GRIA2: variants seen among roughly 807,000 people sequenced by gnomAD.
The protein encoded by GRIA2 is glutamate receptor 2.
A neutral mutation model predicts 97.3 loss-of-function variants in GRIA2; 14 were observed. The observed-to-expected ratio is 0.14, with a 90% CI of 0.10 to 0.23. The LOEUF (loss-of-function observed/expected upper bound fraction) is 0.23, where lower values mean the gene tolerates loss of function less well. GRIA2 is among the 10% of genes least tolerant of loss of function. The pLI is 1.00. For missense variants in GRIA2, 558 were observed against 1,069.8 expected (o/e 0.52, Z 6.67); for synonymous variants, 412 against 387.8 (o/e 1.06, Z -0.73).
At chr4:157,332,167 T>G (rs1735078215) in intron 6 of GRIA2, among the ~76,000 whole-genome samples, 1 of 152,076 alleles carries the variant, frequency 6.6e-6, no homozygotes, top group South Asian at 2.1e-4. Flanking sequence ...CCCTAGAACC[T>G]GTAATAATTC....
intron 12 of GRIA2, among the ~76,000 whole-genome samples, chr4:157,351,035 A>G (rs1019197820): frequency 4.7e-5 from 7 of 150,412 alleles, no homozygotes; most frequent in East Asian, 2.0e-4. Flanking sequence ...TTTGTCATGT[A>G]TATCTTCATC....
chr4:157,239,144 T>C (rs1730385514), intron 2 of GRIA2, among the ~76,000 whole-genome samples: 1 of 152,076 alleles, frequency 6.6e-6, no homozygotes, highest in South Asian at 2.1e-4. Flanking sequence ...TTGGATGTCA[T>C]TGATTAGAAC....
At chr4:157,344,808 G>A (rs888299962) in intron 12 of GRIA2, among the ~76,000 whole-genome samples, 4 of 152,040 alleles carry the variant, frequency 2.6e-5, no homozygotes, top group African/African-American at 9.7e-5. Context: ...GATTTGAGAA[G>A]TTAGGTCATT....
At chr4:157,268,511 A>T (rs903206530) in intron 2 of GRIA2, among the ~76,000 whole-genome samples, 2 of 151,952 alleles carry the variant, frequency 1.3e-5, no homozygotes, top group African/African-American at 4.8e-5. Flanking sequence ...ATACATAAAG[A>T]ATTTGTCTTT....
intron 2 of GRIA2, among the ~76,000 whole-genome samples, chr4:157,269,234 G>A (rs1189712968): frequency 6.6e-6 from 1 of 151,960 alleles, no homozygotes; most frequent in Non-Finnish European, 1.5e-5. Flanking sequence ...TTAGAACCAA[G>A]AAAGGTCAAA....
chr4:157,361,025 C>T lies in GRIA2; in HGVS notation c.2307C>T (p.Leu769=), dbSNP rs1184174321. The T allele has an allele frequency of 4.3e-6, 7 of 1,610,302 alleles. No individual in the cohort carries two copies. The highest frequency in any genetic ancestry group is 1.3e-5 in the African/African-American group (1 of 74,818). The change falls in exon 14 of 16, where the codon CTC becomes CTT. Residue 769 remains leucine, a synonymous_variant. Transcript: ENST00000264426. The surrounding 1 kb of genome is among the most constrained non-coding windows in gnomAD (Gnocchi z 5.2). ...KGSSLRNAVN[L]AVLKLNEQGL... The stretch of plus-strand genomic sequence containing the variant: ...TCGTTTCAAGAAATGCGGTTAACCT[C>T]GCAGTACTAAAACTGAATGAACAAG...
intron 6 of GRIA2, among the ~76,000 whole-genome samples, chr4:157,322,474 T>C (rs550655916): frequency 6.6e-6 from 1 of 152,222 alleles, no homozygotes; most frequent in South Asian, 2.1e-4. Flanking sequence ...CTCCATGGGT[T>C]TGGACACAAT....
rs571786129 is a variant in GRIA2 at position 157,237,083 on chromosome 4, C to G, written c.229+15276C>G. Among the ~76,000 whole-genome samples the G allele has an allele frequency of 2.9e-4, 44 of 152,110 alleles. No individual in the cohort carries two copies. In the South Asian group the frequency reaches 7.5e-3, roughly 26 times the overall value. On this transcript the variant is annotated intron_variant, in intron 2 of 15. Coordinates refer to ENST00000264426, the MANE Select transcript of GRIA2 (RefSeq NM_001083619.3). ...GCCTTGCTCAGAAAAACATTTCCCA[C>G]CGTAGTTTATTTTTTTTAAAAAACT...
At chr4:157,289,598 T>C (rs2126832396) in intron 2 of GRIA2, among the ~76,000 whole-genome samples, 1 of 151,972 alleles carries the variant, frequency 6.6e-6, no homozygotes, top group Admixed American at 6.6e-5. Context: ...TTTAACTTGT[T>C]ACTTCGAATT....
At position 157,361,556 on chromosome 4, in the gene GRIA2, A is replaced by C. The variant is rs1560784301; in HGVS notation, c.2406+432A>C. The C allele has an allele frequency of 2.5e-6, 4 of 1,604,414 alleles. No homozygotes were observed. Among genetic ancestry groups the C allele is most frequent in the Non-Finnish European group, 3.4e-6 (4 of 1,171,504 alleles). ...CGTGAAGAACCCCAGTAAATCTTGC[A>C]GTATTGAAACTCAGTGAGCAAGGCG... On this transcript the variant is annotated intron_variant, in intron 14 of 15. Coordinates refer to ENST00000264426, the MANE Select transcript of GRIA2 (RefSeq NM_001083619.3). The surrounding 1 kb of genome is among the most constrained non-coding windows in gnomAD (Gnocchi z 5.2).
At chr4:157,296,965 C>A (rs1733375209) in intron 2 of GRIA2, among the ~76,000 whole-genome samples, 1 of 152,148 alleles carries the variant, frequency 6.6e-6, no homozygotes, top group South Asian at 2.1e-4. Context: ...CATGCAGGAG[C>A]AGCTTGTAAT....
rs67497887 is a variant in GRIA2 at position 157,298,611 on chromosome 4, CTTTTTTTTTTTT to C, written c.230-4925_230-4914del. On this transcript the variant is annotated intron_variant, in intron 2 of 15. Transcript: ENST00000264426. ...TGGAAGGTGACAGATTGAAGCTAAG[CTTTTTTTTTTTT>C]TTTTTTTTTTTTTTTGAGAGAGAAC... Among the ~76,000 whole-genome samples the C allele has an allele frequency of 5.7e-3, 195 of 34,348 alleles. 1 individual carries two copies. Among genetic ancestry groups the C allele is most frequent in the African/African-American group, 0.022 (180 of 8,302 alleles). 22.5% of individuals were successfully genotyped at this position (34,348 alleles called of 152,430 possible). A position where few individuals can be genotyped will look rare whatever the true frequency, so the allele number is the denominator to read the frequency against.
chr4:157,230,262 A>C (rs1273779329), intron 2 of GRIA2, among the ~76,000 whole-genome samples: 1 of 152,008 alleles, frequency 6.6e-6, no homozygotes, highest in South Asian at 2.1e-4. Context: ...TATGTCAACA[A>C]TTTTTTTATA....
chr4:157,332,955 A>G lies in GRIA2; in HGVS notation c.1019A>G (p.Gln340Arg). ...CLANPAVPWGQGVEIERALKQ... is the reference protein window; with the variant it reads ...CLANPAVPWGRGVEIERALKQ... ...GCAAACCCAGCAGTGCCCTGGGGAC[A>G]AGGTGTAGAAATAGAAAGGGCCCTC... Residue 340 changes from glutamine to arginine, a missense_variant, in exon 7 of 16, where the codon CAA (glutamine) becomes CGA (arginine). By Grantham distance (43) the Gln-to-Arg change is conservative. Around this residue, in one of 8 missense-constraint regions of GRIA2, gnomAD observed 66 missense variants for 118.7 expected, o/e 0.56. Transcript: ENST00000264426. 6.2e-7 allele frequency: 1 copy of G among 1,610,724 alleles called. No homozygotes were observed. Among genetic ancestry groups the G allele is most frequent in the Non-Finnish European group, 8.5e-7 (1 of 1,178,380 alleles).
chr4:157,228,005 T>C (rs1044710006), intron 2 of GRIA2, among the ~76,000 whole-genome samples: 2 of 152,228 alleles, frequency 1.3e-5, no homozygotes, highest in Admixed American at 1.3e-4. Context: ...TATTTTTCAG[T>C]GCTATTCAAT....
intron 2 of GRIA2, among the ~76,000 whole-genome samples, chr4:157,260,125 C>T (rs899163357): frequency 2.0e-5 from 3 of 152,028 alleles, no homozygotes; most frequent in Admixed American, 1.3e-4. Flanking sequence ...TCATGTTCTA[C>T]TCCTTTTGAA....
chr4:157,261,460 A>G (rs1368225556), intron 2 of GRIA2, among the ~76,000 whole-genome samples: 1 of 152,090 alleles, frequency 6.6e-6, no homozygotes, highest in African/African-American at 2.4e-5. Context: ...ACTATTTTTT[A>G]AGTGTTATTT....
rs1375594786 is a variant in GRIA2 at position 157,363,428 on chromosome 4, A to T, written c.*4-7A>T. ...TTTTTCTTTCTTTCCCTCCTCTCTCATTTAAGATGACCTTGAATGATGCCA... is the reference window on the plus strand; with the variant it reads ...TTTTTCTTTCTTTCCCTCCTCTCTCTTTTAAGATGACCTTGAATGATGCCA... On this transcript the variant is annotated splice_polypyrimidine_tract_variant and splice_region_variant and intron_variant, in intron 15 of 15. Transcript: ENST00000264426. 6 of 1,243,898 alleles carry T rather than the reference A, an allele frequency of 4.8e-6. No individual in the cohort carries two copies. Among genetic ancestry groups the T allele is most frequent in the Non-Finnish European group, 6.0e-6 (6 of 992,290 alleles). The allele number at this position is 1,243,898 out of a possible 1,614,324, so 77.1% of individuals were successfully genotyped here. A position where few individuals can be genotyped will look rare whatever the true frequency, so the allele number is the denominator to read the frequency against.
intron 2 of GRIA2, among the ~76,000 whole-genome samples, chr4:157,298,885 G>A (rs767767351): frequency 2.0e-5 from 3 of 151,884 alleles, no homozygotes; most frequent in Non-Finnish European, 4.4e-5. Flanking sequence ...GGAAATATGT[G>A]CATAAAAATT....
Sources: gnomAD v4.1 joint callset for allele counts (sites outside exome capture counted in the v4.1 genomes callset) on GRCh38, gnomAD v4.1.1 for gene constraint, gnomAD v4.1.1 regional missense constraint, Gnocchi (gnomAD v3.1) non-coding constraint, MANE v1.5 for transcripts, NCBI Gene and HGNC (gene_info 2026-07-23, HGNC 2026-07-21) for gene names.